The following XIRP2 variants were observed in gnomAD, a reference collection of about 807,000 sequenced individuals.
The protein encoded by XIRP2 is xin actin binding repeat containing 2, also known as xin actin-binding repeat-containing protein 2.
A neutral mutation model predicts 277.0 loss-of-function variants in XIRP2; 236 were observed. That is an observed-to-expected ratio of 0.85 (90% CI 0.77 to 0.95). XIRP2 has a LOEUF of 0.95. Among genes scored for constraint, XIRP2 ranks in the 40% least tolerant of loss-of-function variants. The pLI is 0.00. For missense variants in XIRP2, 4,640 were observed against 4,157.5 expected (o/e 1.12, Z -3.19); for synonymous variants, 1,490 against 1,416.5 (o/e 1.05, Z -1.17).
chr2:167,010,348 T>C (rs1384581313), intron 2 of XIRP2, among the ~76,000 whole-genome samples: 1 of 151,686 alleles, frequency 6.6e-6, no homozygotes, highest in East Asian at 1.9e-4. Flanking sequence ...ATTGCTTGTT[T>C]TTCTCAGGTT....
At position 167,175,312 on chromosome 2, in the gene XIRP2, C is replaced by T. The variant is rs577779471; in HGVS notation, c.563-35423C>T. ...CTTCTTGTTGAATTGATCCCTTTAC[C>T]ATTATGTAGTGGATGTCCTTTTTGT... is the stretch of plus-strand genomic sequence containing the variant. On this transcript the variant is annotated intron_variant, in intron 3 of 10. Coordinates refer to ENST00000409195, the MANE Select transcript of XIRP2 (RefSeq NM_152381.6). Among the ~76,000 whole-genome samples, 5 of 152,186 alleles carry T rather than the reference C, an allele frequency of 3.3e-5. No individual in the cohort carries two copies. The South Asian group carries it at 6.2e-4, about 19-fold the overall frequency.
At chr2:166,900,130 T>C (rs1468276228) in intron 1 of XIRP2, among the ~76,000 whole-genome samples, 1 of 152,066 alleles carries the variant, frequency 6.6e-6, no homozygotes, top group Non-Finnish European at 1.5e-5. Flanking sequence ...TTTTAGATCT[T>C]TTTTATAGTC....
Position 167,105,016 on chromosome 2 carries a change from G to C in XIRP2, c.409-30893G>C, listed in dbSNP as rs569936300. Among the ~76,000 whole-genome samples the C allele has an allele frequency of 7.2e-5, 11 of 152,098 alleles. No individual in the cohort carries two copies. In the East Asian group the frequency reaches 2.1e-3, roughly 29 times the overall value. ...AGCTAATTTGATATATGAATTAAGAGTTGGATTTATATATTGAATAGCAAA... is the reference window on the plus strand; with the variant it reads ...AGCTAATTTGATATATGAATTAAGACTTGGATTTATATATTGAATAGCAAA... On this transcript the variant is annotated intron_variant, in intron 2 of 10. Coordinates refer to ENST00000409195, the MANE Select transcript of XIRP2 (RefSeq NM_152381.6).
chr2:166,909,845 C>T (rs998357660), intron 2 of XIRP2, among the ~76,000 whole-genome samples: 2 of 152,294 alleles, frequency 1.3e-5, no homozygotes, highest in South Asian at 4.1e-4. Context: ...TTGTCAAAGG[C>T]CTTTTCTGCA....
chr2:167,205,026 A>G (rs1049923127), intron 3 of XIRP2, among the ~76,000 whole-genome samples: 1 of 152,206 alleles, frequency 6.6e-6, no homozygotes, highest in Non-Finnish European at 1.5e-5. Flanking sequence ...AGTGCTTCAC[A>G]GTTTCATCCC....
At chr2:167,047,464 T>C (rs1427166037) in intron 2 of XIRP2, among the ~76,000 whole-genome samples, 1 of 151,700 alleles carries the variant, frequency 6.6e-6, no homozygotes, top group Non-Finnish European at 1.5e-5. Flanking sequence ...TATTTTCAGC[T>C]CTGGAATGGC....
At chr2:167,156,437 T>C (rs1258132404) in intron 3 of XIRP2, among the ~76,000 whole-genome samples, 1 of 152,120 alleles carries the variant, frequency 6.6e-6, no homozygotes, top group Non-Finnish European at 1.5e-5. Flanking sequence ...AAAACACAGG[T>C]TTAGTTTGCC....
intron 2 of XIRP2, among the ~76,000 whole-genome samples, chr2:167,112,096 A>G (rs1200117749): frequency 1.3e-5 from 2 of 151,494 alleles, no homozygotes; most frequent in Non-Finnish European, 2.9e-5. Flanking sequence ...TATCTTATTA[A>G]TTTTTTCAAA....
rs376883637 is a variant in XIRP2 at position 166,945,153 on chromosome 2, C to T, written c.408+41263C>T. On this transcript the variant is annotated intron_variant, in intron 2 of 10. Transcript: ENST00000409195. ...GAATATTGTCTAGACCAGGGTCATC[C>T]GCCCACTTCCAAGATTTGGAATATA... Among the ~76,000 whole-genome samples, 21 of 152,208 alleles carry T rather than the reference C, an allele frequency of 1.4e-4. No individual in the cohort carries two copies. The East Asian group carries it at 1.6e-3, about 11-fold the overall frequency.
chr2:167,235,846 A>G (rs891602182), intron 5 of XIRP2, among the ~76,000 whole-genome samples: 2 of 151,946 alleles, frequency 1.3e-5, no homozygotes, highest in African/African-American at 4.8e-5. Context: ...CTCAGGGCAA[A>G]AGGAAAAAAT....
chr2:166,921,954 A>G (rs942835295), intron 2 of XIRP2, among the ~76,000 whole-genome samples: 1 of 152,144 alleles, frequency 6.6e-6, no homozygotes, highest in South Asian at 2.1e-4. Flanking sequence ...ACCACTCTAT[A>G]TGCCTTACAG....
At chr2:167,180,770 C>T (rs1003831219) in intron 3 of XIRP2, among the ~76,000 whole-genome samples, 1 of 152,202 alleles carries the variant, frequency 6.6e-6, no homozygotes, top group African/African-American at 2.4e-5. Flanking sequence ...TGTCCACTTA[C>T]TTCACTTGCA....
chr2:167,058,579 T>C (rs1689095039), intron 2 of XIRP2, among the ~76,000 whole-genome samples: 1 of 152,220 alleles, frequency 6.6e-6, no homozygotes, highest in South Asian at 2.1e-4. Flanking sequence ...AAGTCCTTCC[T>C]CTCAGTTGGT....
chr2:167,208,650 C>A (rs1416620869), intron 3 of XIRP2, among the ~76,000 whole-genome samples: 1 of 152,032 alleles, frequency 6.6e-6, no homozygotes, highest in African/African-American at 2.4e-5. Flanking sequence ...GAATCCAAAT[C>A]AGGCCACTGA....
chr2:167,180,205 C>T (rs1475392011), intron 3 of XIRP2, among the ~76,000 whole-genome samples: 5 of 152,104 alleles, frequency 3.3e-5, no homozygotes, highest in Admixed American at 1.3e-4. Context: ...ATCCAGATGT[C>T]TTGAGCCTTT....
At chr2:167,099,723 C>T (rs56836723) in intron 2 of XIRP2, among the ~76,000 whole-genome samples, 39,654 of 151,956 alleles carry the variant, frequency 0.26, 7,692 homozygotes, top group African/African-American at 0.55. Flanking sequence ...CCATCCCTCA[C>T]GGCAGGGTCC....
intron 2 of XIRP2, among the ~76,000 whole-genome samples, chr2:166,972,356 T>C (rs933903074): frequency 1.3e-5 from 2 of 152,136 alleles, no homozygotes; most frequent in African/African-American, 4.8e-5. Flanking sequence ...GCATATCAGA[T>C]AGGAATATCT....
rs1195478500 is a variant in XIRP2, at chr2:167,021,730, T to G, written c.409-114179T>G. 2.6e-5 allele frequency among the ~76,000 whole-genome samples: 4 copies of G among 151,784 alleles called. No individual in the cohort carries two copies. The East Asian group carries it at 7.8e-4, about 30-fold the overall frequency. ...GTCCCAGCTACTCAGGAGGTGGAGGTGGGAGGATCTCATGAGCCCAAGAGA... is the reference window on the plus strand; with the variant it reads ...GTCCCAGCTACTCAGGAGGTGGAGGGGGGAGGATCTCATGAGCCCAAGAGA... On this transcript the variant is annotated intron_variant, in intron 2 of 10. Coordinates refer to ENST00000409195, the MANE Select transcript of XIRP2 (RefSeq NM_152381.6).
At chr2:166,909,215 G>T (rs1439542356) in intron 2 of XIRP2, among the ~76,000 whole-genome samples, 1 of 151,896 alleles carries the variant, frequency 6.6e-6, no homozygotes, top group African/African-American at 2.4e-5. Flanking sequence ...GGCAGTATGG[G>T]ATTTTCATGA....
Sources: allele counts gnomAD v4.1 joint callset (sites outside exome capture counted in the v4.1 genomes callset), GRCh38; gene constraint gnomAD v4.1.1; transcripts MANE v1.5; gene names NCBI Gene and HGNC (gene_info 2026-07-23, HGNC 2026-07-21).